NAALADL2: variants seen among roughly 807,000 people sequenced by gnomAD.
NAALADL2 encodes the protein N-acetylated alpha-linked acidic dipeptidase like 2, also known as inactive N-acetylated-alpha-linked acidic dipeptidase-like protein 2.
In NAALADL2, 76 loss-of-function variants were observed where a neutral mutation model predicts 87.2. That is an observed-to-expected ratio of 0.87 (90% CI 0.72 to 1.05). The LOEUF (loss-of-function observed/expected upper bound fraction) is 1.05, where lower values mean the gene tolerates loss of function less well. Among genes scored for constraint, NAALADL2 ranks in the 50% least tolerant of loss-of-function variants. The probability of loss-of-function intolerance (pLI) is 0.00; values close to 1 mark genes in which losing one functional copy is unlikely to be tolerated. For missense variants in NAALADL2, 1,089 were observed against 945.8 expected (o/e 1.15, Z -1.99); for synonymous variants, 354 against 331.0 (o/e 1.07, Z -0.75).
At chr3:175,266,933 G>T (rs1166046367) in intron 4 of NAALADL2, among the ~76,000 whole-genome samples, 1 of 151,444 alleles carries the variant, frequency 6.6e-6, no homozygotes, top group African/African-American at 2.4e-5. Context: ...GGACAATTTT[G>T]ATACTTTGCT....
chr3:175,275,415 A>G (rs1255857677), intron 4 of NAALADL2, among the ~76,000 whole-genome samples: 1 of 152,154 alleles, frequency 6.6e-6, no homozygotes, highest in Non-Finnish European at 1.5e-5. Flanking sequence ...TTTTCAGAAA[A>G]CTAAAATCTC....
intron 1 of NAALADL2, among the ~76,000 whole-genome samples, chr3:175,032,775 C>G (rs1362784739): frequency 2.0e-5 from 3 of 152,016 alleles, no homozygotes; most frequent in Non-Finnish European, 4.4e-5. Context: ...CTTTCACTAC[C>G]AGGAATTTTA....
At chr3:175,686,760 A>AT (rs1225981737) in intron 11 of NAALADL2, among the ~76,000 whole-genome samples, 2 of 152,136 alleles carry the variant, frequency 1.3e-5, no homozygotes, top group Admixed American at 6.6e-5. Context: ...ATTAAATATC[A>AT]TTTTTTCCGT....
chr3:175,364,448 G>A (rs1765342695), intron 5 of NAALADL2, among the ~76,000 whole-genome samples: 1 of 147,864 alleles, frequency 6.8e-6, no homozygotes, highest in Non-Finnish European at 1.5e-5. Context: ...AGTCTTAATA[G>A]TGCTAGAATT....
chr3:175,758,386 CTATATTAATTTATA>C (rs1747547757), intron 13 of NAALADL2, among the ~76,000 whole-genome samples: 1 of 151,578 alleles, frequency 6.6e-6, no homozygotes, highest in Admixed American at 6.6e-5. Flanking sequence ...ATTTATGTTA[CTATATTAATTTATA>C]TATATTAATT....
chr3:175,233,935 T>G lies in NAALADL2; in HGVS notation c.550T>G (p.Leu184Val). 1 of 1,546,510 alleles carries G rather than the reference T, an allele frequency of 6.5e-7. No individual in the cohort carries two copies. The highest frequency in any genetic ancestry group is 1.2e-5 in the South Asian group (1 of 84,804). Residue 184 changes from leucine (L) to valine (V), a missense_variant, in exon 3 of 14, where the codon TTG (leucine) becomes GTG (valine). Transcript: ENST00000454872. ...TTCTTTTCAAATTTATTTCAGAAAT[T>G]TGGTACAACTATATAAAAATGAAGA... ...AEDIKKSFRN[L>V]VQLYKNEDDM...
chr3:174,882,392 CG>C (rs1729306117), intron 1 of NAALADL2, among the ~76,000 whole-genome samples: 1 of 150,382 alleles, frequency 6.6e-6, no homozygotes, highest in Admixed American at 6.6e-5. Flanking sequence ...TCTAGAGGAA[CG>C]GAACTAATAT....
intron 2 of NAALADL2, among the ~76,000 whole-genome samples, chr3:174,565,258 G>A (rs1714117713): frequency 6.6e-6 from 1 of 151,972 alleles, no homozygotes; most frequent in South Asian, 2.1e-4. Context: ...ATAATGACAT[G>A]TAGCCACCAT....
chr3:174,801,388 T>C (rs1718814209), intron 3 of NAALADL2, among the ~76,000 whole-genome samples: 1 of 152,194 alleles, frequency 6.6e-6, no homozygotes, highest in Admixed American at 6.6e-5. Flanking sequence ...CCATGTAAGA[T>C]GTGACTTGCT....
rs574695283 is a variant in NAALADL2, at chr3:174,674,056, A to G, written c.-114-63585A>G. ...ATTCACTTACAGCTCTGCAGGCTGT[A>G]CAAGCATCGTGCTGGCATCTGCTTA... On this transcript the variant is annotated intron_variant, in intron 2 of 3. Transcript: ENST00000434257. Among the ~76,000 whole-genome samples the G allele has an allele frequency of 4.9e-4, 75 of 152,152 alleles. 1 individual carries two copies. Among genetic ancestry groups the G allele is most frequent in the African/African-American group, 1.8e-3 (75 of 41,536 alleles).
At chr3:174,848,008 T>TC (rs1187755654) in intron 3 of NAALADL2, among the ~76,000 whole-genome samples, 2 of 112,400 alleles carry the variant, frequency 1.8e-5, no homozygotes, top group African/African-American at 3.0e-5. Flanking sequence ...TTTCTCTCTC[T>TC]TTTTTTTTTT....
chr3:175,128,960 A>G (rs190470655), intron 2 of NAALADL2, among the ~76,000 whole-genome samples: 1 of 152,058 alleles, frequency 6.6e-6, no homozygotes, highest in East Asian at 1.9e-4. Flanking sequence ...TGTTTTTGAG[A>G]GAGAGTCCCA....
chr3:175,788,592 G>C (rs956104072), intron 13 of NAALADL2, among the ~76,000 whole-genome samples: 10 of 151,964 alleles, frequency 6.6e-5, no homozygotes, highest in African/African-American at 2.4e-4. Flanking sequence ...TCTATGTTTG[G>C]GTAAGTACAT....
At chr3:175,262,575 A>AGTGTGTGT (rs71164625) in intron 4 of NAALADL2, among the ~76,000 whole-genome samples, 15,452 of 147,014 alleles carry the variant, frequency 0.11, 938 homozygotes, top group Non-Finnish European at 0.15. Flanking sequence ...ATGTTGTGTG[A>AGTGTGTGT]GTGTGTGTGT....
chr3:175,048,474 C>T (rs1054314077), intron 1 of NAALADL2, among the ~76,000 whole-genome samples: 3 of 150,762 alleles, frequency 2.0e-5, no homozygotes, highest in Non-Finnish European at 4.4e-5. Flanking sequence ...CATTTGAAGC[C>T]ATCATTGAAA....
intron 9 of NAALADL2, among the ~76,000 whole-genome samples, chr3:175,542,274 A>G (rs1245005808): frequency 6.6e-6 from 1 of 152,226 alleles, no homozygotes; most frequent in Non-Finnish European, 1.5e-5. Flanking sequence ...ATAACTTGGT[A>G]TATTTTGTGG....
chr3:175,324,373 G>T, intron 5 of NAALADL2, 48 bp downstream of exon 5: 1 of 1,460,310 alleles, frequency 6.8e-7, no homozygotes, highest in Non-Finnish European at 9.2e-7. Flanking sequence ...AGCATTACAA[G>T]GTTGCAATTT....
chr3:174,580,331 A>G (rs1222842540), intron 2 of NAALADL2, among the ~76,000 whole-genome samples: 1 of 152,108 alleles, frequency 6.6e-6, no homozygotes, highest in East Asian at 1.9e-4. Context: ...AAATATTTTC[A>G]AAGTGAGAAA....
At chr3:175,346,755 A>T (rs1763197552) in intron 5 of NAALADL2, among the ~76,000 whole-genome samples, 1 of 152,184 alleles carries the variant, frequency 6.6e-6, no homozygotes. Context: ...TGAGGTCGAG[A>T]GGGTTAAACG....
Sources: allele counts gnomAD v4.1 joint callset (sites outside exome capture counted in the v4.1 genomes callset), GRCh38; gene constraint gnomAD v4.1.1; transcripts MANE v1.5; gene names NCBI Gene and HGNC (gene_info 2026-07-23, HGNC 2026-07-21).